Variants in MTO1 observed in about 807,000 individuals in gnomAD.
MTO1 encodes mitochondrial tRNA translation optimization 1.
A neutral mutation model predicts 71.6 loss-of-function variants in MTO1; 46 were observed. That is an observed-to-expected ratio of 0.64 (90% confidence interval 0.51 to 0.82). The LOEUF is 0.82. Among genes scored for constraint, MTO1 ranks in the 40% least tolerant of loss-of-function variants. MTO1 has a pLI of 0.00. For synonymous variants in MTO1, 297 were observed against 312.1 expected (o/e 0.95, Z 0.51); for missense variants, 773 against 867.5 (o/e 0.89, Z 1.37).
At chr6:73,480,205 A>T in intron 6 of MTO1, 79 bp downstream of exon 6, 2 of 1,370,216 alleles carry the variant, frequency 1.5e-6, no homozygotes, top group Non-Finnish European at 1.0e-6. Flanking sequence ...AGCTACAGTC[A>T]TTGTTGTTCA....
intron 3 of MTO1, among the ~76,000 whole-genome samples, chr6:73,470,725 A>C (rs974052026): frequency 6.6e-6 from 1 of 152,094 alleles, no homozygotes; most frequent in Non-Finnish European, 1.5e-5. Context: ...AGGCCGAGGC[A>C]GGTGGATCAC....
intron 2 of MTO1, 31 bp downstream of exon 2, chr6:73,466,439 T>C: frequency 6.2e-7 from 1 of 1,613,442 alleles, no homozygotes; most frequent in Non-Finnish European, 8.5e-7. Flanking sequence ...CAGGAAAGAT[T>C]ATAGTGATTG....
chr6:73,494,945 A>G (rs892261206), intron 10 of MTO1, among the ~76,000 whole-genome samples: 1 of 150,928 alleles, frequency 6.6e-6, no homozygotes, highest in Non-Finnish European at 1.5e-5. Flanking sequence ...ACACCTGGCT[A>G]ATTTTTGTAT....
At position 73,466,611 on chromosome 6, in the gene MTO1, G is replaced by A. The variant is rs1405997705; in HGVS notation, c.535+5G>A. 5 of 1,606,896 alleles carry A rather than the reference G, an allele frequency of 3.1e-6. No individual in the cohort carries two copies. The highest frequency in any genetic ancestry group is 4.3e-6 in the Non-Finnish European group (5 of 1,173,618). On this transcript the variant is annotated splice_donor_5th_base_variant and intron_variant, in intron 3 of 11. Transcript: ENST00000498286. ...GTGTCAGTGGGGTTGTTTTGGGTAC[G>A]TATTGGTTATAGATGGTGTATGATA...
intron 1 of MTO1, among the ~76,000 whole-genome samples, chr6:73,463,787 C>T (rs1454442146): frequency 2.0e-5 from 3 of 152,018 alleles, no homozygotes; most frequent in Non-Finnish European, 4.4e-5. Context: ...GTTGACCAGG[C>T]TAGAATGCAG....
chr6:73,465,899 G>A lies in MTO1; in HGVS notation c.218-310G>A, dbSNP rs111550327. ...CTCGGGATGCTGAGGCAGGAGAATC[G>A]CTTGAACCCAGGAGGCAGAGGTTGC... On this transcript the variant is annotated intron_variant, in intron 1 of 11. Coordinates refer to ENST00000498286, the MANE Select transcript of MTO1 (RefSeq NM_012123.4). Among the ~76,000 whole-genome samples the A allele has an allele frequency of 8.2e-3, 1,249 of 152,062 alleles. 10 individuals carry two copies. The highest frequency in any genetic ancestry group is 0.012 in the Non-Finnish European group (803 of 67,978).
At chr6:73,480,285 GTTTT>G (rs1245010671) in intron 6 of MTO1, 159 bp downstream of exon 6, 1 of 851,706 alleles carries the variant, frequency 1.2e-6, no homozygotes. Context: ...TTGTTTGTTT[GTTTT>G]GAGACGGAGT....
intron 3 of MTO1, among the ~76,000 whole-genome samples, chr6:73,468,892 G>A (rs1444597384): frequency 1.3e-5 from 2 of 152,052 alleles, no homozygotes; most frequent in African/African-American, 4.8e-5. Context: ...ATAGGGGTGA[G>A]CCACCACACC....
Position 73,501,523 on chromosome 6 carries a change from C to T in MTO1, c.*788C>T, listed in dbSNP as rs574788912. 8.6e-4 allele frequency: 131 copies of T among 152,230 alleles called. No homozygotes were observed. The highest frequency in any genetic ancestry group is 3.1e-3 in the African/African-American group (127 of 41,544). The allele number at this position is 152,230 out of a possible 1,614,324, so 9.4% of individuals were successfully genotyped here. ...CCATAGTAACTGGTGAGTGGTGTTT[C>T]CCTGTTTTTAAGTCAGAATGACAGA... is the stretch of plus-strand genomic sequence containing the variant. On this transcript the variant is annotated 3_prime_UTR_variant, in exon 12 of 12. Coordinates refer to ENST00000498286, the MANE Select transcript of MTO1 (RefSeq NM_012123.4).
chr6:73,499,627 A>G (rs991596615), intron 11 of MTO1, among the ~76,000 whole-genome samples: 1 of 152,212 alleles, frequency 6.6e-6, no homozygotes. Context: ...AGTGGCTACC[A>G]TATTGGACAC....
chr6:73,493,970 C>T (rs1040002929), intron 10 of MTO1, among the ~76,000 whole-genome samples: 5 of 151,826 alleles, frequency 3.3e-5, no homozygotes, highest in Non-Finnish European at 7.4e-5. Context: ...TAGTGGCTCA[C>T]GCCTGTAATC....
intron 1 of MTO1, 147 bp downstream of exon 1, chr6:73,462,218 G>T (rs915883955): frequency 5.9e-6 from 5 of 854,282 alleles, no homozygotes; most frequent in Middle Eastern, 3.5e-4. Flanking sequence ...TCAGTGTCTC[G>T]CAAGGATCAG....
chr6:73,473,543 G>C lies in MTO1; in HGVS notation c.714G>C (p.Gly238=), dbSNP rs1425198834. Residue 238 remains glycine (G), a synonymous_variant, in exon 4 of 12, where the codon GGG becomes GGC. Coordinates refer to ENST00000498286, the MANE Select transcript of MTO1 (RefSeq NM_012123.4). ...TTGTGGTGGGAAGGTTGAAGACTGG[G>C]ACTCCACCCCGAATTGCCAAAGAGT... ...LGFVVGRLKT[G]TPPRIAKESI... 1 of 1,613,958 alleles carries C rather than the reference G, an allele frequency of 6.2e-7. No individual in the cohort carries two copies. The highest frequency in any genetic ancestry group is 8.5e-7 in the Non-Finnish European group (1 of 1,179,998).
chr6:73,497,691 A>G, intron 10 of MTO1, 45 bp from the exon 11 acceptor site: 1 of 1,564,168 alleles, frequency 6.4e-7, no homozygotes, highest in Non-Finnish European at 8.8e-7. Context: ...TTGTTAGTAT[A>G]ATATAATCTG....
rs952050852 is a variant in MTO1, at chr6:73,504,026, T to C, written c.*3291T>C. 1 of 152,240 alleles carries C rather than the reference T, an allele frequency of 6.6e-6. No homozygotes were observed. The highest frequency in any genetic ancestry group is 2.4e-5 in the African/African-American group (1 of 41,464). The allele number at this position is 152,240 out of a possible 1,614,324, so 9.4% of individuals were successfully genotyped here. On this transcript the variant is annotated 3_prime_UTR_variant, in exon 12 of 12. Coordinates refer to ENST00000498286, the MANE Select transcript of MTO1 (RefSeq NM_012123.4). Reference sequence around the variant, plus strand: ...ACCAGCAGAGACTAGGGGTTTATTCTGATCTGGAAGAGCCACTTAACACTG... The same window carrying C: ...ACCAGCAGAGACTAGGGGTTTATTCCGATCTGGAAGAGCCACTTAACACTG...
In MTO1 at chr6:73,482,491, G is replaced by C. The variant is rs753202103; in HGVS notation, c.1508G>C (p.Arg503Thr). The change falls in exon 9 of 12, where the codon AGA (arginine) becomes ACA (threonine). Residue 503 changes from arginine (R) to threonine (T), a missense_variant. Physicochemically the swap from Arg to Thr is moderately conservative, Grantham distance 71 (BLOSUM62 -1). Coordinates refer to ENST00000498286, the MANE Select transcript of MTO1 (RefSeq NM_012123.4). ...TGTGTGTCCCAACAACGATATGAAA[G>C]AGCTTGTTGGATGAAGTCTTCTTTA... ...AGCVSQQRYERACWMKSSLEE... is the reference protein window; with the variant it reads ...AGCVSQQRYETACWMKSSLEE... 6.2e-7 allele frequency: 1 copy of C among 1,613,464 alleles called. No homozygotes were observed. The highest frequency in any genetic ancestry group is 1.1e-5 in the South Asian group (1 of 91,044).
chr6:73,480,865 T>C lies in MTO1; in HGVS notation c.1260+60T>C. On this transcript the variant is annotated intron_variant, in intron 7 of 11. Coordinates refer to ENST00000498286, the MANE Select transcript of MTO1 (RefSeq NM_012123.4). ...GACTATTTAACTGGTATTTCTCCTT[T>C]TAATGTCTGTTGTGTTAACTATGTA... 3 of 1,545,480 alleles carry C rather than the reference T, an allele frequency of 1.9e-6. No homozygotes were observed. In the South Asian group the frequency reaches 3.5e-5, roughly 18 times the overall value.
At chr6:73,491,481 A>G (rs1771804321) in intron 9 of MTO1, among the ~76,000 whole-genome samples, 1 of 152,264 alleles carries the variant, frequency 6.6e-6, no homozygotes, top group Admixed American at 6.5e-5. Context: ...GAGACTTAAA[A>G]CATGCTCATA....
chr6:73,485,398 A>G (rs990920249), intron 9 of MTO1, among the ~76,000 whole-genome samples: 3 of 151,250 alleles, frequency 2.0e-5, no homozygotes, highest in East Asian at 3.9e-4. Flanking sequence ...TACATATTTG[A>G]TTTGAGAATA....
Sources: gnomAD v4.1 joint callset for allele counts (sites outside exome capture counted in the v4.1 genomes callset) on GRCh38, gnomAD v4.1.1 for gene constraint, MANE v1.5 for transcripts, NCBI Gene and HGNC (gene_info 2026-07-23, HGNC 2026-07-21) for gene names.